IPCEF1: variants seen among roughly 807,000 people sequenced by gnomAD.
IPCEF1 encodes interaction protein for cytohesin exchange factors 1, also known as interactor protein for cytohesin exchange factors 1.
IPCEF1 carries 31 observed loss-of-function variants against 50.9 expected under a neutral mutation model. The observed-to-expected ratio is 0.61, with a 90% confidence interval of 0.46 to 0.82. The LOEUF is 0.82. Among genes scored for constraint, IPCEF1 ranks in the 40% least tolerant of loss-of-function variants. IPCEF1 has a pLI of 0.00. For missense variants in IPCEF1, 458 were observed against 514.0 expected, an observed-to-expected ratio of 0.89 and a Z score of 1.05; for synonymous variants, 181 against 192.0, an observed-to-expected ratio of 0.94 and a Z score of 0.47.
Position 154,159,931 on chromosome 6 carries a change from A to T in IPCEF1, c.1214T>A (p.Ile405Asn). Residue 405 changes from isoleucine to asparagine, a missense_variant, in exon 12 of 12, where the codon ATC becomes AAC. Physicochemically the swap from Ile to Asn is moderately radical, Grantham distance 149. Coordinates refer to ENST00000367220, the MANE Select transcript of IPCEF1 (RefSeq NM_001130700.2). ...KVMNTLLIQD[I>N]YQQQRASPAP... ...AGGCGAAGCCCGCTGCTGCTGATAG[A>T]TGTCCTGGATCAGCAGGGTGTTCAT... 6.2e-7 allele frequency: 1 copy of T among 1,613,812 alleles called. No individual in the cohort carries two copies. The highest frequency in any genetic ancestry group is 8.5e-7 in the Non-Finnish European group (1 of 1,179,984).
intron 1 of IPCEF1, among the ~76,000 whole-genome samples, chr6:154,318,483 GA>G (rs1405279351): frequency 6.6e-6 from 1 of 152,032 alleles, no homozygotes; most frequent in East Asian, 1.9e-4. Flanking sequence ...CCCAGATTGG[GA>G]CCGAGATGGA....
At chr6:154,252,384 G>A (rs547172024) in intron 3 of IPCEF1, among the ~76,000 whole-genome samples, 10 of 152,162 alleles carry the variant, frequency 6.6e-5, no homozygotes, top group African/African-American at 1.9e-4. Context: ...AACAAAGGAC[G>A]AGCTCCTCTT....
Position 154,159,927 on chromosome 6 carries a change from A to C in IPCEF1, c.1218T>G (p.Tyr406Ter). 1.2e-6 allele frequency: 2 copies of C among 1,613,802 alleles called. No homozygotes were observed. The highest frequency in any genetic ancestry group is 1.7e-6 in the Non-Finnish European group (2 of 1,179,988). Reference sequence around the variant, plus strand: ...GGGCAGGCGAAGCCCGCTGCTGCTGATAGATGTCCTGGATCAGCAGGGTGT... The same window carrying C: ...GGGCAGGCGAAGCCCGCTGCTGCTGCTAGATGTCCTGGATCAGCAGGGTGT... The part of the protein sequence containing the change: ...VMNTLLIQDI[Y>*]QQQRASPAPD... Residue 406 changes from tyrosine to a stop codon, truncating the protein, a stop_gained, in exon 12 of 12, where the codon TAT becomes TAG. Coordinates refer to ENST00000367220, the MANE Select transcript of IPCEF1 (RefSeq NM_001130700.2). LOFTEE classifies it low-confidence loss of function (END_TRUNC).
intron 1 of IPCEF1, among the ~76,000 whole-genome samples, chr6:154,299,189 A>T (rs921466365): frequency 2.1e-5 from 3 of 140,824 alleles, no homozygotes; most frequent in African/African-American, 7.6e-5. Context: ...TGAGTGCTTT[A>T]TTAAGCTGGG....
At chr6:154,302,711 G>A (rs1343477451) in intron 1 of IPCEF1, among the ~76,000 whole-genome samples, 1 of 152,074 alleles carries the variant, frequency 6.6e-6, no homozygotes, top group African/African-American at 2.4e-5. Flanking sequence ...CTGAGCTTGA[G>A]CGATCCCCCA....
Position 154,213,214 on chromosome 6 carries a change from G to A in IPCEF1, c.452-359C>T, listed in dbSNP as rs146082600. ...AATCCTAATGAATTGAAACTGGCAG[G>A]ATCACTAAACTATCAGTGGTGCACA... On this transcript the variant is annotated intron_variant, in intron 8 of 11. Transcript: ENST00000367220. The A allele has an allele frequency of 1.7e-3, 408 of 246,356 alleles. 2 individuals are homozygous for A. The highest frequency in any genetic ancestry group is 8.8e-3 in the African/African-American group (396 of 45,214). 15.3% of individuals were successfully genotyped at this position (246,356 alleles called of 1,614,324 possible). A position where few individuals can be genotyped will look rare whatever the true frequency, so the allele number is the denominator to read the frequency against.
intron 11 of IPCEF1, among the ~76,000 whole-genome samples, chr6:154,161,480 T>C (rs527672410): frequency 1.3e-5 from 2 of 152,314 alleles, no homozygotes; most frequent in East Asian, 3.9e-4. Flanking sequence ...CCCAAAGTGC[T>C]GGGATTACAG....
intron 2 of IPCEF1, among the ~76,000 whole-genome samples, chr6:154,281,184 C>CAAAAAAA (rs35597942): frequency 2.9e-3 from 171 of 59,118 alleles, no homozygotes; most frequent in Middle Eastern, 0.019. Context: ...TACTAAAATA[C>CAAAAAAA]AAAAAAAAAA....
At chr6:154,211,757 T>C (rs956015911) in intron 9 of IPCEF1, among the ~76,000 whole-genome samples, 4 of 152,222 alleles carry the variant, frequency 2.6e-5, no homozygotes, top group Admixed American at 6.5e-5. Flanking sequence ...GCAAAAGTGA[T>C]TGTGTTTTTT....
In IPCEF1 at chr6:154,290,893, C is replaced by CTTTTTTTTTTTTTTTTTTTTTTTTTTT. The variant is rs3045866; in HGVS notation, c.-61-1138_-61-1137insAAAAAAAAAAAAAAAAAAAAAAAAAAA. 9.3e-4 allele frequency among the ~76,000 whole-genome samples: 118 copies of CTTTTTTTTTTTTTTTTTTTTTTTTTTT among 127,268 alleles called. 6 individuals are homozygous for CTTTTTTTTTTTTTTTTTTTTTTTTTTT. The highest frequency in any genetic ancestry group is 3.6e-3 in the African/African-American group (112 of 31,530). 83.5% of individuals were successfully genotyped at this position (127,268 alleles called of 152,430 possible). A position where few individuals can be genotyped will look rare whatever the true frequency, so the allele number is the denominator to read the frequency against. ...AATTTTTCCAGTAGGAATATATTGC[C>CTTTTTTTTTTTTTTTTTTTTTTTTTTT]TTTTTTTTTTTTTTGAGACAGAGTC... On this transcript the variant is annotated intron_variant, in intron 1 of 11. Coordinates refer to ENST00000367220, the MANE Select transcript of IPCEF1 (RefSeq NM_001130700.2).
intron 3 of IPCEF1, among the ~76,000 whole-genome samples, chr6:154,255,199 G>A (rs1049101578): frequency 6.6e-6 from 1 of 152,046 alleles, no homozygotes; most frequent in African/African-American, 2.4e-5. Flanking sequence ...CCACTTTTCT[G>A]TTTAGGAGGG....
intron 5 of IPCEF1, among the ~76,000 whole-genome samples, chr6:154,223,785 T>G (rs1779045905): frequency 6.6e-6 from 1 of 152,240 alleles, no homozygotes; most frequent in Non-Finnish European, 1.5e-5. Context: ...CAACAAACAT[T>G]ATTTCCTCTC....
At chr6:154,205,268 C>T (rs1439691714) in intron 9 of IPCEF1, among the ~76,000 whole-genome samples, 1 of 151,540 alleles carries the variant, frequency 6.6e-6, no homozygotes, top group Non-Finnish European at 1.5e-5. Context: ...TTCCATTCAG[C>T]ATCCCTGTAT....
intron 1 of IPCEF1, among the ~76,000 whole-genome samples, chr6:154,353,293 CTTTT>C (rs914097422): frequency 7.8e-6 from 1 of 127,854 alleles, no homozygotes. Flanking sequence ...TTTCCTTTTC[CTTTT>C]TTTTTTTTTT....
At chr6:154,241,073 T>C (rs1780541206) in intron 5 of IPCEF1, among the ~76,000 whole-genome samples, 1 of 151,820 alleles carries the variant, frequency 6.6e-6, no homozygotes, top group Admixed American at 6.6e-5. Flanking sequence ...CCGTCTCTAC[T>C]AAAAATACAA....
intron 5 of IPCEF1, among the ~76,000 whole-genome samples, chr6:154,245,072 T>G (rs149045943): frequency 2.0e-5 from 3 of 152,278 alleles, no homozygotes; most frequent in African/African-American, 7.2e-5. Context: ...TGTATTTGTT[T>G]AGGAAAACTC....
At chr6:154,279,196 T>G (rs1256209772) in intron 2 of IPCEF1, among the ~76,000 whole-genome samples, 1 of 151,926 alleles carries the variant, frequency 6.6e-6, no homozygotes, top group African/African-American at 2.4e-5. Flanking sequence ...TCAACAACAT[T>G]TCTACCAGCC....
At chr6:154,180,019 G>A (rs895218742) in intron 10 of IPCEF1, among the ~76,000 whole-genome samples, 1 of 152,258 alleles carries the variant, frequency 6.6e-6, no homozygotes, top group East Asian at 1.9e-4. Flanking sequence ...TTCATGCAAT[G>A]CTAGCCTCAA....
intron 11 of IPCEF1, among the ~76,000 whole-genome samples, chr6:154,161,907 C>T (rs1333876253): frequency 6.6e-6 from 1 of 152,198 alleles, no homozygotes; most frequent in African/African-American, 2.4e-5. Flanking sequence ...ATCACATTTT[C>T]ACATCCTTTT....
Sources: gnomAD v4.1 joint callset for allele counts (sites outside exome capture counted in the v4.1 genomes callset) on GRCh38, gnomAD v4.1.1 for gene constraint, MANE v1.5 for transcripts, NCBI Gene and HGNC (gene_info 2026-07-23, HGNC 2026-07-21) for gene names.